The following LRRC61 variants were observed in gnomAD, a reference collection of about 807,000 sequenced individuals.
The protein encoded by LRRC61 is leucine-rich repeat-containing protein 61.
LRRC61 carries 9 observed loss-of-function variants against 15.1 expected under a neutral mutation model. The ratio of observed to expected loss-of-function variants is 0.60; its 90% confidence interval spans 0.36 to 1.04. LRRC61 has a LOEUF of 1.04. Among genes scored for constraint, LRRC61 ranks in the 50% least tolerant of loss-of-function variants. The pLI, the probability that LRRC61 is intolerant of heterozygous loss-of-function variation, is 0.01. For missense variants in LRRC61, 344 were observed against 335.6 expected (o/e 1.03, Z -0.20); for synonymous variants, 173 against 158.6 (o/e 1.09, Z -0.68).
At chr7:150,324,936 C>T (rs1446135842) in intron 1 of LRRC61, among the ~76,000 whole-genome samples, 1 of 152,190 alleles carries the variant, frequency 6.6e-6, no homozygotes, top group Non-Finnish European at 1.5e-5. Context: ...TCCCTAACTT[C>T]ACTTTACTTT....
chr7:150,329,659 C>CT (rs1365976335), intron 2 of LRRC61: 1 of 152,248 alleles, frequency 6.6e-6, no homozygotes, highest in Non-Finnish European at 1.5e-5. Context: ...TGGCCTCATG[C>CT]TTAATCATTT....
chr7:150,330,604 A>G lies in LRRC61; in HGVS notation c.-145+4594A>G, dbSNP rs763506194. 1.1e-5 allele frequency: 9 copies of G among 817,970 alleles called. No individual in the cohort carries two copies. The highest frequency in any genetic ancestry group is 2.0e-5 in the Non-Finnish European group (9 of 452,412). 50.7% of individuals were successfully genotyped at this position (817,970 alleles called of 1,614,324 possible). ...GACTGTCAGCTCAACAAGCTCTTCT[A>G]CCGCGAGGAGTTTGTGCTGGCCACC... On this transcript the variant is annotated intron_variant, in intron 2 of 2. Coordinates refer to ENST00000359623, the MANE Select transcript of LRRC61 (RefSeq NM_001142928.2). This position sits in a 1 kb window ranked among gnomAD's most constrained non-coding sequence, Gnocchi z 4.6.
rs117273494 is a variant in LRRC61 at position 150,328,969 on chromosome 7, G to C, written c.-145+2959G>C. Among the ~76,000 whole-genome samples the C allele has an allele frequency of 3.9e-5, 6 of 152,284 alleles. No individual in the cohort carries two copies. The East Asian group carries it at 1.2e-3, about 29-fold the overall frequency. ...TAGGAAACCCTCACCTAACCGTGGT[G>C]TCCCTTGGTGTCTCTGCACCTTAGT... is the stretch of plus-strand genomic sequence containing the variant. On this transcript the variant is annotated intron_variant, in intron 2 of 2. Coordinates refer to ENST00000359623, the MANE Select transcript of LRRC61 (RefSeq NM_001142928.2).
chr7:150,331,146 C>T (rs201355668), intron 2 of LRRC61: 1 of 1,565,502 alleles, frequency 6.4e-7, no homozygotes, highest in Non-Finnish European at 8.7e-7. Context: ...ACAGCCCCAC[C>T]CTTGTAGAGC....
the LRRC61 span, among the ~76,000 whole-genome samples, chr7:150,311,564 C>T: frequency 0.026 from 3,985 of 152,218 alleles, 188 homozygotes; most frequent in African/African-American, 0.091. Context: ...CCCATGGGCC[C>T]GATTTCAACC....
chr7:150,314,672 G>C, the LRRC61 span, among the ~76,000 whole-genome samples: 3 of 151,358 alleles, frequency 2.0e-5, no homozygotes, highest in African/African-American at 7.3e-5. Context: ...GCTGAGCTTG[G>C]TGGCTCATGC....
chr7:150,337,616 G>A lies in LRRC61; in HGVS notation c.755G>A (p.Gly252Asp), dbSNP rs565347229. ...AQAEQVLSSA[G>D]PTSSFVF ...GCGGAGCAGGTACTCAGCTCTGCGG[G>A]CCCCACCTCTTCCTTCGTCTTCTGA... Residue 252 changes from glycine to aspartate, a missense_variant, in exon 3 of 3, where the codon GGC becomes GAC. By Grantham distance (94) the Gly-to-Asp change is moderately conservative (BLOSUM62 -1). Transcript: ENST00000359623. 6.5e-7 allele frequency: 1 copy of A among 1,532,860 alleles called. No individual in the cohort carries two copies. The highest frequency in any genetic ancestry group is 2.3e-5 in the East Asian group (1 of 44,100). 95.0% of individuals were successfully genotyped at this position (1,532,860 alleles called of 1,614,324 possible).
rs777673987 is a variant in LRRC61 at position 150,336,874 on chromosome 7, G to A, written c.13G>A (p.Ala5Thr). 3 of 1,612,468 alleles carry A rather than the reference G, an allele frequency of 1.9e-6. No individual in the cohort carries two copies. The South Asian group carries it at 3.3e-5, about 18-fold the overall frequency. Reference protein sequence around the residue: MDPPAEKPGEAGGLQ... With the variant: MDPPTEKPGEAGGLQ... ...CGACTTCCATCTCATGGACCCTCCA[G>A]CGGAGAAGCCGGGAGAGGCTGGCGG... is the stretch of plus-strand genomic sequence containing the variant. The change falls in exon 3 of 3, where the codon GCG becomes ACG. Residue 5 changes from alanine (A) to threonine (T), a missense_variant. Physicochemically the swap from Ala to Thr is moderately conservative, Grantham distance 58. Coordinates refer to ENST00000359623, the MANE Select transcript of LRRC61 (RefSeq NM_001142928.2).
At chr7:150,313,260 T>C in the LRRC61 span, among the ~76,000 whole-genome samples, 1 of 152,138 alleles carries the variant, frequency 6.6e-6, no homozygotes, top group East Asian at 1.9e-4. Flanking sequence ...CCTGTTTAGG[T>C]GGTCTTCTCT....
chr7:150,338,142 C>G lies in LRRC61; in HGVS notation c.*501C>G, dbSNP rs960990197. ...TTGTCCACACATCTATTAAATGCTT[C>G]TGTTTTCATTTGCATCCCTGCCTGG... On this transcript the variant is annotated 3_prime_UTR_variant, in exon 3 of 3. Coordinates refer to ENST00000359623, the MANE Select transcript of LRRC61 (RefSeq NM_001142928.2). 12 of 749,528 alleles carry G rather than the reference C, an allele frequency of 1.6e-5. No individual in the cohort carries two copies. In the East Asian group the frequency reaches 3.2e-4, roughly 20 times the overall value. 46.4% of individuals were successfully genotyped at this position (749,528 alleles called of 1,614,324 possible). A position where few individuals can be genotyped will look rare whatever the true frequency, so the allele number is the denominator to read the frequency against.
At position 150,335,684 on chromosome 7, in the gene LRRC61, G is replaced by GAGACTCCTGGGTC. The variant is rs146861822; in HGVS notation, c.-144-1033_-144-1021dup. Among the ~76,000 whole-genome samples, 1,843 of 152,324 alleles carry GAGACTCCTGGGTC rather than the reference G, an allele frequency of 0.012. 38 individuals carry two copies. Among genetic ancestry groups the GAGACTCCTGGGTC allele is most frequent in the African/African-American group, 0.043 (1,767 of 41,568 alleles). ...CAGGCATCACCCCGCCGGCCTGGGT[G>GAGACTCCTGGGTC]AGACTCCTGGGTCTGGGCCTGGCCA... is the stretch of plus-strand genomic sequence containing the variant. On this transcript the variant is annotated intron_variant, in intron 2 of 2. Coordinates refer to ENST00000359623, the MANE Select transcript of LRRC61 (RefSeq NM_001142928.2). This position sits in a 1 kb window ranked among gnomAD's most constrained non-coding sequence, Gnocchi z 4.3.
At chr7:150,324,850 C>A (rs368740892) in intron 1 of LRRC61, among the ~76,000 whole-genome samples, 1 of 152,208 alleles carries the variant, frequency 6.6e-6, no homozygotes, top group Non-Finnish European at 1.5e-5. Flanking sequence ...GCTTCTCCCC[C>A]ACTTCCTGCT....
chr7:150,330,765 A>G lies in LRRC61; in HGVS notation c.-145+4755A>G, dbSNP rs1484538772. ...GTCTGAATACTCTTTGAACTCCCCA[A>G]GTCCCCTGCAAAGCCCCAGGGGTCT... is the stretch of plus-strand genomic sequence containing the variant. On this transcript the variant is annotated intron_variant, in intron 2 of 2. Transcript: ENST00000359623. This position sits in a 1 kb window ranked among gnomAD's most constrained non-coding sequence, Gnocchi z 4.6. The G allele has an allele frequency of 6.2e-7, 1 of 1,613,840 alleles. No individual in the cohort carries two copies. The highest frequency in any genetic ancestry group is 8.5e-7 in the Non-Finnish European group (1 of 1,179,932).
intron 1 of LRRC61, 143 bp downstream of exon 1, chr7:150,323,703 GC>G (rs773366280): frequency 5.5e-5 from 25 of 455,866 alleles, no homozygotes; most frequent in Non-Finnish European, 4.0e-5. Flanking sequence ...GGAACAGCCA[GC>G]CCTTACCCAT....
rs58391879 is a variant in LRRC61, at chr7:150,335,030, C to CAA, written c.-144-1671_-144-1670dup. Among the ~76,000 whole-genome samples, 21 of 102,334 alleles carry CAA rather than the reference C, an allele frequency of 2.1e-4. No homozygotes were observed. Among genetic ancestry groups the CAA allele is most frequent in the African/African-American group, 5.6e-4 (16 of 28,426 alleles). The allele number at this position is 102,334 out of a possible 152,430, so 67.1% of individuals were successfully genotyped here. A position where few individuals can be genotyped will look rare whatever the true frequency, so the allele number is the denominator to read the frequency against. On this transcript the variant is annotated intron_variant, in intron 2 of 2. Transcript: ENST00000359623. This position sits in a 1 kb window ranked among gnomAD's most constrained non-coding sequence, Gnocchi z 4.3. ...GGGCAACAAGAGTGAAACTCTGTCT[C>CAA]AAAAAAAAAAAAAAAAAAGAAAAAA...
At chr7:150,318,924 G>A (rs1439369402), upstream of LRRC61, among the ~76,000 whole-genome samples, 1 of 151,918 alleles carries the variant, frequency 6.6e-6, no homozygotes, top group Non-Finnish European at 1.5e-5. Flanking sequence ...TCATTTTCTG[G>A]GCTTCTTCCA....
chr7:150,333,176 G>A lies in LRRC61; in HGVS notation c.-144-3542G>A, dbSNP rs138484096. 3.6e-3 allele frequency among the ~76,000 whole-genome samples: 545 copies of A among 152,328 alleles called. 2 individuals are homozygous for A. Among genetic ancestry groups the A allele is most frequent in the African/African-American group, 0.012 (514 of 41,582 alleles). The stretch of plus-strand genomic sequence containing the variant: ...GCAGCGAGGCTCGGGAGAAGAACGT[G>A]AGAAGATTGGGTGAGGATGAAAGGA... On this transcript the variant is annotated intron_variant, in intron 2 of 2. Transcript: ENST00000359623. This position sits in a 1 kb window ranked among gnomAD's most constrained non-coding sequence, Gnocchi z 4.3.
At chr7:150,315,253 G>T in the LRRC61 span, among the ~76,000 whole-genome samples, 3 of 151,796 alleles carry the variant, frequency 2.0e-5, no homozygotes, top group East Asian at 5.8e-4. Flanking sequence ...CATTAAAATC[G>T]AAATTCATTA....
chr7:150,312,474 G>A, the LRRC61 span, among the ~76,000 whole-genome samples: 8 of 152,152 alleles, frequency 5.3e-5, no homozygotes, highest in Non-Finnish European at 1.0e-4. Flanking sequence ...AAAAGCTTTG[G>A]TATGTAAAAC....
Sources: allele counts gnomAD v4.1 joint callset (sites outside exome capture counted in the v4.1 genomes callset), GRCh38; gene constraint gnomAD v4.1.1; non-coding constraint Gnocchi (gnomAD v3.1); transcripts MANE v1.5; gene names NCBI Gene and HGNC (gene_info 2026-07-23, HGNC 2026-07-21).